Variants in NIBAN2 observed in about 807,000 individuals in gnomAD.
The protein encoded by NIBAN2 is protein Niban 2.
In NIBAN2, 36 loss-of-function variants were observed where a neutral mutation model predicts 81.8. The observed-to-expected ratio is 0.44, with a 90% CI of 0.34 to 0.58. The LOEUF (loss-of-function observed/expected upper bound fraction) is 0.58. Among genes scored for constraint, NIBAN2 ranks in the 20% least tolerant of loss-of-function variants. The pLI is 0.02. For missense variants in NIBAN2, 897 were observed against 1,014.1 expected (o/e 0.88, Z 1.57); for synonymous variants, 445 against 441.6 (o/e 1.01, Z -0.10).
chr9:127,529,338 A>G (rs1327732133), intron 2 of NIBAN2, among the ~76,000 whole-genome samples: 1 of 152,234 alleles, frequency 6.6e-6, no homozygotes, highest in Non-Finnish European at 1.5e-5. Flanking sequence ...CAGTACCGGC[A>G]TAAGATAACT....
chr9:127,578,320 A>G (rs1838032765), intron 1 of NIBAN2, among the ~76,000 whole-genome samples: 1 of 143,490 alleles, frequency 7.0e-6, no homozygotes, highest in Admixed American at 7.5e-5. Flanking sequence ...CAGCCACTGC[A>G]CTCCAGCCTG....
Position 127,510,217 on chromosome 9 carries a change from C to T in NIBAN2, c.1090G>A (p.Val364Ile). Residue 364 changes from valine (V) to isoleucine (I), a missense_variant, in exon 9 of 14, where the codon GTC becomes ATC. Physicochemically the swap from Val to Ile is conservative, Grantham distance 29 (BLOSUM62 3). This residue lies in a region of NIBAN2 where 619 missense variants were observed against 691.0 expected (regional missense o/e 0.90). Transcript: ENST00000373312. Reference protein sequence around the residue: ...TSQGFTEVRDVFFKEVTDMNL... With the variant: ...TSQGFTEVRDIFFKEVTDMNL... ...ATGTCCGTGACCTCCTTGAAGAAGACATCTCGCACCTCAGTGAAGCCCTGG... is the reference window on the plus strand; with the variant it reads ...ATGTCCGTGACCTCCTTGAAGAAGATATCTCGCACCTCAGTGAAGCCCTGG... The T allele has an allele frequency of 2.5e-6, 4 of 1,614,144 alleles. No homozygotes were observed. Among genetic ancestry groups the T allele is most frequent in the Non-Finnish European group, 3.4e-6 (4 of 1,179,990 alleles).
rs201035985 is a variant in NIBAN2, at chr9:127,508,408, G to A, written c.1434+14C>T. The A allele has an allele frequency of 7.7e-5, 123 of 1,596,598 alleles. No homozygotes were observed. The East Asian group carries it at 1.4e-3, about 19-fold the overall frequency. ...CGCCTAGGACGGTCCGGGGCAGGGC[G>A]TGGGGCCGCTCACCTTCAGCACCCG... On this transcript the variant is annotated intron_variant, in intron 11 of 13. Transcript: ENST00000373312. The surrounding 1 kb of genome is among the most constrained non-coding windows in gnomAD (Gnocchi z 6.4).
At chr9:127,543,728 C>T (rs1564311640) in intron 1 of NIBAN2, among the ~76,000 whole-genome samples, 1 of 152,196 alleles carries the variant, frequency 6.6e-6, no homozygotes, top group Non-Finnish European at 1.5e-5. Flanking sequence ...GCTGGACCGC[C>T]CTTCCCTTCA....
chr9:127,516,034 G>C (rs1489882502), intron 8 of NIBAN2, among the ~76,000 whole-genome samples: 2 of 151,918 alleles, frequency 1.3e-5, no homozygotes, highest in East Asian at 3.9e-4. Context: ...GCTACTTGGG[G>C]GGTTGAAGTG....
chr9:127,544,144 T>G (rs1837429639), intron 1 of NIBAN2, among the ~76,000 whole-genome samples: 1 of 152,232 alleles, frequency 6.6e-6, no homozygotes, highest in East Asian at 1.9e-4. Context: ...GGGACATTCC[T>G]TGCTCGACTG....
chr9:127,517,094 G>A lies in NIBAN2; in HGVS notation c.810+18C>T. The A allele has an allele frequency of 6.2e-7, 1 of 1,611,946 alleles. No individual in the cohort carries two copies. Among genetic ancestry groups the A allele is most frequent in the Non-Finnish European group, 8.5e-7 (1 of 1,178,628 alleles). On this transcript the variant is annotated intron_variant, in intron 7 of 13. Coordinates refer to ENST00000373312, the MANE Select transcript of NIBAN2 (RefSeq NM_022833.4). This position sits in a 1 kb window ranked among gnomAD's most constrained non-coding sequence, Gnocchi z 4.0. ...GCTGCAGGTCCCGTCCCCGCTCCAG[G>A]GCCCCAGGCCCACCCACCTGGATCC... is the stretch of plus-strand genomic sequence containing the variant.
Position 127,510,328 on chromosome 9 carries a change from T to G in NIBAN2, c.979A>C (p.Ile327Leu), listed in dbSNP as rs761011053. The G allele has an allele frequency of 1.9e-6, 3 of 1,600,416 alleles. No homozygotes were observed. Among genetic ancestry groups the G allele is most frequent in the Non-Finnish European group, 2.6e-6 (3 of 1,169,934 alleles). ...EHLASKIRAF[I>L]LPKAEVCVRN... ...ACGCACACCTCTGCCTTGGGGAGGA[T>G]GAAGGCTGTGCCCCGAGGGAGCCGG... The change falls in exon 9 of 14, where the codon ATC (isoleucine) becomes CTC (leucine). Residue 327 changes from isoleucine to leucine, a missense_variant. Physicochemically the swap from Ile to Leu is conservative, Grantham distance 5. This residue lies in a region of NIBAN2 where 619 missense variants were observed against 691.0 expected (regional missense o/e 0.90). Transcript: ENST00000373312.
Position 127,508,295 on chromosome 9 carries a change from G to A in NIBAN2, c.1435-95C>T. Reference sequence around the variant, plus strand: ...CCAGTGGTCTGACCCAAGCCTCCGAGTCCTCATCCGCACAAGAGGACCATG... The same window carrying A: ...CCAGTGGTCTGACCCAAGCCTCCGAATCCTCATCCGCACAAGAGGACCATG... On this transcript the variant is annotated intron_variant, in intron 11 of 13. Coordinates refer to ENST00000373312, the MANE Select transcript of NIBAN2 (RefSeq NM_022833.4). The surrounding 1 kb of genome is among the most constrained non-coding windows in gnomAD (Gnocchi z 6.4). 1 of 1,321,494 alleles carries A rather than the reference G, an allele frequency of 7.6e-7. No homozygotes were observed. Among genetic ancestry groups the A allele is most frequent in the Non-Finnish European group, 1.1e-6 (1 of 927,890 alleles). The allele number at this position is 1,321,494 out of a possible 1,614,324, so 81.9% of individuals were successfully genotyped here. A position where few individuals can be genotyped will look rare whatever the true frequency, so the allele number is the denominator to read the frequency against.
At chr9:127,558,200 C>A (rs1164232346) in intron 1 of NIBAN2, among the ~76,000 whole-genome samples, 3 of 152,176 alleles carry the variant, frequency 2.0e-5, no homozygotes. Flanking sequence ...TCTGTGAGGC[C>A]CGCACAGGGC....
At chr9:127,520,755 A>AGGAT (rs1836923658) in intron 5 of NIBAN2, among the ~76,000 whole-genome samples, 1 of 152,000 alleles carries the variant, frequency 6.6e-6, no homozygotes, top group Non-Finnish European at 1.5e-5. Flanking sequence ...GTGGTGGCAC[A>AGGAT]CGCCTGTAGT....
rs967626302 is a variant in NIBAN2, at chr9:127,505,984, C to G, written c.*861G>C. ...AGACAGAACCCAGCCCCATTACACC[C>G]CTTGCTGCCGCTCCATCCCCAACCA... On this transcript the variant is annotated 3_prime_UTR_variant, in exon 14 of 14. Coordinates refer to ENST00000373312, the MANE Select transcript of NIBAN2 (RefSeq NM_022833.4). 3.3e-5 allele frequency: 5 copies of G among 152,494 alleles called. No homozygotes were observed. Among genetic ancestry groups the G allele is most frequent in the African/African-American group, 1.2e-4 (5 of 41,438 alleles). The allele number at this position is 152,494 out of a possible 1,614,324, so 9.4% of individuals were successfully genotyped here.
At chr9:127,567,656 C>CGTGTT (rs533704666) in intron 1 of NIBAN2, among the ~76,000 whole-genome samples, 19 of 152,262 alleles carry the variant, frequency 1.2e-4, no homozygotes, top group African/African-American at 4.1e-4. Context: ...GTGGAGAACA[C>CGTGTT]GGTGGTGAAA....
chr9:127,555,448 G>A (rs530859845), intron 1 of NIBAN2, among the ~76,000 whole-genome samples: 72 of 152,368 alleles, frequency 4.7e-4, no homozygotes, highest in African/African-American at 1.7e-3. Flanking sequence ...CAGTCCCCAG[G>A]CTAAAACCCC....
intron 1 of NIBAN2, among the ~76,000 whole-genome samples, chr9:127,537,724 C>T (rs1837305169): frequency 6.6e-6 from 1 of 152,206 alleles, no homozygotes; most frequent in Non-Finnish European, 1.5e-5. Context: ...CAACACACAC[C>T]ATTCTTCAAA....
rs1837283346 is a variant in NIBAN2 at position 127,536,600 on chromosome 9, C to G, written c.56-4822G>C. 6.6e-6 allele frequency among the ~76,000 whole-genome samples: 1 copy of G among 152,234 alleles called. No individual in the cohort carries two copies. Among genetic ancestry groups the G allele is most frequent in the South Asian group, 2.1e-4 (1 of 4,828 alleles). On this transcript the variant is annotated intron_variant, in intron 1 of 13. Transcript: ENST00000373312. This position sits in a 1 kb window ranked among gnomAD's most constrained non-coding sequence, Gnocchi z 4.0. ...CCATACTTGCCCACAGCAGCTCTTT[C>G]CATTTCCTGCCGCAGCCTCTGGAGA... is the stretch of plus-strand genomic sequence containing the variant.
intron 1 of NIBAN2, among the ~76,000 whole-genome samples, chr9:127,537,496 A>G (rs1837300642): frequency 6.6e-6 from 1 of 152,232 alleles, no homozygotes; most frequent in Non-Finnish European, 1.5e-5. Context: ...TAATGATGGG[A>G]GGCCTTCCAC....
At chr9:127,556,599 C>T (rs932570906) in intron 1 of NIBAN2, among the ~76,000 whole-genome samples, 1 of 152,196 alleles carries the variant, frequency 6.6e-6, no homozygotes, top group Non-Finnish European at 1.5e-5. Context: ...CTTTACAATC[C>T]AGTGGAGTAG....
intron 9 of NIBAN2, chr9:127,509,806 T>TCCCTCCTTCCCTCTCCCCTCCTCTCCTG (rs1836696402): frequency 1.8e-5 from 1 of 54,520 alleles, no homozygotes; most frequent in Admixed American, 1.9e-4. Flanking sequence ...CTCCTCTCCT[T>TCCCTCCTTCCCTCTCCCCTCCTCTCCTG]CCCTCCTTCC....
Sources: allele counts gnomAD v4.1 joint callset (sites outside exome capture counted in the v4.1 genomes callset), GRCh38; gene constraint gnomAD v4.1.1; regional missense constraint gnomAD v4.1.1; non-coding constraint Gnocchi (gnomAD v3.1); transcripts MANE v1.5; gene names NCBI Gene and HGNC (gene_info 2026-07-23, HGNC 2026-07-21).